GATAD1: variants seen among roughly 807,000 people sequenced by gnomAD.
GATAD1 encodes GATA zinc finger domain containing 1.
GATAD1 carries 12 observed loss-of-function variants against 26.5 expected under a neutral mutation model. The observed-to-expected ratio is 0.45, with a 90% CI of 0.29 to 0.73. The LOEUF (loss-of-function observed/expected upper bound fraction) is 0.73. Among genes scored for constraint, GATAD1 ranks in the 30% least tolerant of loss-of-function variants. The probability of loss-of-function intolerance (pLI) is 0.10; values close to 1 mark genes in which losing one functional copy is unlikely to be tolerated. For synonymous variants in GATAD1, 129 were observed against 133.1 expected (o/e 0.97, Z 0.21); for missense variants, 266 against 342.1 (o/e 0.78, Z 1.75).
the GATAD1 span, chr7:92,494,537 C>T: frequency 2.5e-5 from 40 of 1,613,736 alleles, no homozygotes; most frequent in Admixed American, 2.0e-4. Context: ...GTTAACTACT[C>T]GGTCTGTAAC....
the GATAD1 span, among the ~76,000 whole-genome samples, chr7:92,485,803 A>AT: frequency 6.7e-3 from 1,025 of 152,342 alleles, 6 homozygotes; most frequent in Middle Eastern, 0.017. Flanking sequence ...TGTCTGATAT[A>AT]AAAATCTATG....
chr7:92,489,828 A>C, the GATAD1 span: 3 of 1,614,016 alleles, frequency 1.9e-6, no homozygotes, highest in Non-Finnish European at 2.5e-6. Context: ...TTAACACTGG[A>C]GGCTGTGAAA....
chr7:92,469,086 A>C, the GATAD1 span: 1 of 702,964 alleles, frequency 1.4e-6, no homozygotes, highest in Non-Finnish European at 2.6e-6. Context: ...CAGTGTTTCG[A>C]AGCTCCTCTG....
Position 92,456,359 on chromosome 7 carries a change from G to A in GATAD1, c.620-13G>A. ...CAAAAATGTATTTAACCTTTCCCTTGGCTGCCTTCCAGGGCCAGAGGAAGA... is the reference window on the plus strand; with the variant it reads ...CAAAAATGTATTTAACCTTTCCCTTAGCTGCCTTCCAGGGCCAGAGGAAGA... On this transcript the variant is annotated splice_polypyrimidine_tract_variant and intron_variant, in intron 4 of 4. Coordinates refer to ENST00000287957, the MANE Select transcript of GATAD1 (RefSeq NM_021167.5). 3.2e-6 allele frequency: 5 copies of A among 1,572,684 alleles called. No homozygotes were observed. Among genetic ancestry groups the A allele is most frequent in the Non-Finnish European group, 4.4e-6 (5 of 1,148,630 alleles).
the GATAD1 span, among the ~76,000 whole-genome samples, chr7:92,492,481 G>C: frequency 6.6e-6 from 1 of 152,108 alleles, no homozygotes; most frequent in Non-Finnish European, 1.5e-5. Context: ...ATAACTTACT[G>C]TATCTGGAAG....
chr7:92,454,910 T>A (rs1258521109), intron 4 of GATAD1, among the ~76,000 whole-genome samples: 2 of 152,066 alleles, frequency 1.3e-5, no homozygotes, highest in South Asian at 4.2e-4. Flanking sequence ...ATATAGATGG[T>A]CACCTTCTTG....
chr7:92,487,429 A>G, the GATAD1 span: 1 of 1,277,264 alleles, frequency 7.8e-7, no homozygotes. Flanking sequence ...AAAAAACTTA[A>G]CAGAACCAAA....
chr7:92,475,711 G>C, the GATAD1 span, among the ~76,000 whole-genome samples: 2 of 152,216 alleles, frequency 1.3e-5, no homozygotes, highest in African/African-American at 4.8e-5. Flanking sequence ...CTGGATTCTA[G>C]TGGTCCTTTA....
chr7:92,477,554 G>A, the GATAD1 span: 11 of 152,884 alleles, frequency 7.2e-5, no homozygotes, highest in African/African-American at 2.6e-4. Flanking sequence ...CCAAGGAATG[G>A]AATCTTGGGC....
At chr7:92,449,509 G>T (rs1261347087) in intron 2 of GATAD1, 1 of 976,686 alleles carries the variant, frequency 1.0e-6, no homozygotes, top group African/African-American at 1.8e-5. Context: ...AAACACAGTG[G>T]ACAGTGCATT....
At chr7:92,492,098 G>A in the GATAD1 span, among the ~76,000 whole-genome samples, 1 of 152,162 alleles carries the variant, frequency 6.6e-6, no homozygotes, top group Admixed American at 6.6e-5. Context: ...TGTCTTTAGA[G>A]AAAAGGCTGA....
At chr7:92,492,488 G>C in the GATAD1 span, among the ~76,000 whole-genome samples, 1 of 152,112 alleles carries the variant, frequency 6.6e-6, no homozygotes, top group Non-Finnish European at 1.5e-5. Context: ...ACTGTATCTG[G>C]AAGTGAGGAA....
rs1490804763 is a variant in GATAD1 at position 92,457,596 on chromosome 7, T to C, written c.*1034T>C. 6.6e-6 allele frequency: 1 copy of C among 152,222 alleles called. No individual in the cohort carries two copies. Among genetic ancestry groups the C allele is most frequent in the African/African-American group, 2.4e-5 (1 of 41,456 alleles). 9.4% of individuals were successfully genotyped at this position (152,222 alleles called of 1,614,324 possible). A position where few individuals can be genotyped will look rare whatever the true frequency, so the allele number is the denominator to read the frequency against. The stretch of plus-strand genomic sequence containing the variant: ...GAGAGACCATTAGGAACAGGTAGTA[T>C]CTATTTTTCTCCATTATTTATTTCT... On this transcript the variant is annotated 3_prime_UTR_variant, in exon 5 of 5. Transcript: ENST00000287957.
chr7:92,458,869 A>G lies in GATAD1; in HGVS notation c.*2307A>G, dbSNP rs1054347235. The stretch of plus-strand genomic sequence containing the variant: ...TGGATGTATTTATTTCATTTAAACA[A>G]TTTAAATGGGGCTCTTTAACCAAAA... On this transcript the variant is annotated 3_prime_UTR_variant, in exon 5 of 5. Coordinates refer to ENST00000287957, the MANE Select transcript of GATAD1 (RefSeq NM_021167.5). The G allele has an allele frequency of 1.1e-4, 17 of 152,226 alleles. No individual in the cohort carries two copies. The highest frequency in any genetic ancestry group is 4.1e-4 in the African/African-American group (17 of 41,452). The allele number at this position is 152,226 out of a possible 1,614,324, so 9.4% of individuals were successfully genotyped here.
At chr7:92,477,959 A>G in the GATAD1 span, 3 of 152,488 alleles carry the variant, frequency 2.0e-5, no homozygotes, top group African/African-American at 7.2e-5. Context: ...TGCCAGCTCG[A>G]ATGCCTGGGT....
chr7:92,451,072 G>A (rs1789408945), intron 3 of GATAD1, among the ~76,000 whole-genome samples: 1 of 152,114 alleles, frequency 6.6e-6, no homozygotes, highest in African/African-American at 2.4e-5. Context: ...AGACTGAGCC[G>A]TTAGTGCGAT....
the GATAD1 span, chr7:92,470,008 C>T: frequency 1.3e-6 from 1 of 778,528 alleles, no homozygotes; most frequent in South Asian, 1.3e-5. Flanking sequence ...ATGTTTTTCT[C>T]TTGCCTGATC....
chr7:92,484,466 G>A, the GATAD1 span, among the ~76,000 whole-genome samples: 13 of 152,142 alleles, frequency 8.5e-5, no homozygotes, highest in Non-Finnish European at 1.6e-4. Flanking sequence ...TGGAGTGTGG[G>A]TGAATAATCA....
chr7:92,448,105 C>T, intron 1 of GATAD1, 127 bp downstream of exon 1: 1 of 556,472 alleles, frequency 1.8e-6, no homozygotes, highest in Non-Finnish European at 2.6e-6. Context: ...TGGAACGCCC[C>T]TCCCCACCTC....
Sources: gnomAD v4.1 joint callset for allele counts (sites outside exome capture counted in the v4.1 genomes callset) on GRCh38, gnomAD v4.1.1 for gene constraint, MANE v1.5 for transcripts, NCBI Gene and HGNC (gene_info 2026-07-23, HGNC 2026-07-21) for gene names.